NRXN3: variants seen among roughly 807,000 people sequenced by gnomAD.
The protein encoded by NRXN3 is neurexin 3.
NRXN3 carries 32 observed loss-of-function variants against 137.6 expected under a neutral mutation model. The observed-to-expected ratio is 0.23, with a 90% CI of 0.18 to 0.31. The LOEUF is 0.31. Ranked by LOEUF, NRXN3 falls within the 10% of genes least tolerant of loss-of-function variation. The pLI is 1.00. For synonymous variants in NRXN3, 798 were observed against 784.5 expected, an observed-to-expected ratio of 1.02 and a Z score of -0.29; for missense variants, 1,574 against 2,062.5, an observed-to-expected ratio of 0.76 and a Z score of 4.59.
chr14:78,621,156 A>G (rs1265813728), intron 4 of NRXN3, among the ~76,000 whole-genome samples: 31 of 152,210 alleles, frequency 2.0e-4, no homozygotes. Context: ...GCATTGAGGG[A>G]TATTTTGATG....
intron 4 of NRXN3, among the ~76,000 whole-genome samples, chr14:78,362,421 A>G (rs1310657225): frequency 6.6e-6 from 1 of 152,176 alleles, no homozygotes; most frequent in East Asian, 1.9e-4. Flanking sequence ...TGCACTTTAA[A>G]AAGTCAACAA....
At chr14:79,620,068 G>C (rs1030272870) in intron 16 of NRXN3, among the ~76,000 whole-genome samples, 1 of 152,080 alleles carries the variant, frequency 6.6e-6, no homozygotes, top group Non-Finnish European at 1.5e-5. Flanking sequence ...TCTTTACAAA[G>C]TTAGCTTGGC....
intron 15 of NRXN3, among the ~76,000 whole-genome samples, chr14:79,409,399 A>G (rs1010238592): frequency 6.7e-4 from 101 of 151,196 alleles, no homozygotes; most frequent in African/African-American, 2.3e-3. Flanking sequence ...ATATGTATAC[A>G]TTATGTATAT....
At chr14:78,816,234 G>A (rs1464229656) in intron 10 of NRXN3, among the ~76,000 whole-genome samples, 1 of 152,140 alleles carries the variant, frequency 6.6e-6, no homozygotes, top group East Asian at 1.9e-4. Context: ...GGAACAAAAG[G>A]CAAAATAGTA....
chr14:79,022,586 A>G (rs559718336), intron 15 of NRXN3, among the ~76,000 whole-genome samples: 1 of 152,290 alleles, frequency 6.6e-6, no homozygotes, highest in East Asian at 1.9e-4. Context: ...CTACCACCAC[A>G]TAGATGTTTG....
intron 15 of NRXN3, among the ~76,000 whole-genome samples, chr14:78,992,935 G>A (rs1379216427): frequency 1.3e-5 from 2 of 152,172 alleles, no homozygotes; most frequent in South Asian, 2.1e-4. Flanking sequence ...GGGAATGAAC[G>A]TGGGTCCTCA....
chr14:78,906,906 TG>T (rs1221444278), intron 10 of NRXN3, among the ~76,000 whole-genome samples: 2 of 152,068 alleles, frequency 1.3e-5, no homozygotes, highest in East Asian at 3.9e-4. Flanking sequence ...AACTGTGACT[TG>T]GGGCATGTGC....
At chr14:78,315,163 C>T (rs1444931209) in intron 4 of NRXN3, among the ~76,000 whole-genome samples, 8 of 151,628 alleles carry the variant, frequency 5.3e-5, no homozygotes, top group South Asian at 2.1e-4. Flanking sequence ...AGGCGCTTAC[C>T]AGCTAATTTT....
chr14:79,441,245 G>T (rs1442845755), intron 15 of NRXN3, among the ~76,000 whole-genome samples: 1 of 151,392 alleles, frequency 6.6e-6, no homozygotes, highest in African/African-American at 2.4e-5. Context: ...GTAGCAAAGA[G>T]ACCTGGATCT....
chr14:78,537,172 G>A lies in NRXN3; in HGVS notation c.758-107948G>A, dbSNP rs1156688264. Among the ~76,000 whole-genome samples, 3 of 152,186 alleles carry A rather than the reference G, an allele frequency of 2.0e-5. No homozygotes were observed. In the East Asian group the frequency reaches 5.8e-4, roughly 29 times the overall value. On this transcript the variant is annotated intron_variant, in intron 4 of 20. Coordinates refer to ENST00000335750, the MANE Select transcript of NRXN3 (RefSeq NM_001330195.2). Reference sequence around the variant, plus strand: ...ATAATTCTAGTTCTAGATCCTTGAGGAATTGCCACACTGTCTTCCACAATG... The same window carrying A: ...ATAATTCTAGTTCTAGATCCTTGAGAAATTGCCACACTGTCTTCCACAATG...
intron 15 of NRXN3, among the ~76,000 whole-genome samples, chr14:79,393,457 G>A (rs2094919772): frequency 6.6e-6 from 1 of 152,172 alleles, no homozygotes; most frequent in African/African-American, 2.4e-5. Flanking sequence ...TGGATTAAAT[G>A]AGATTGACTA....
Position 78,943,616 on chromosome 14 carries a change from AAAAAAATATATATATATAT to A in NRXN3, c.2276-13624_2276-13606del, listed in dbSNP as rs1162529373. 4.6e-4 allele frequency among the ~76,000 whole-genome samples: 19 copies of A among 41,020 alleles called. 1 individual carries two copies. Among genetic ancestry groups the A allele is most frequent in the Admixed American group, 1.6e-3 (6 of 3,844 alleles). The allele number at this position is 41,020 out of a possible 152,430, so 26.9% of individuals were successfully genotyped here. ...AAAGAAGCAAGATCACTGTTAAAAA[AAAAAAATATATATATATAT>A]ATATATATATATATATATATATATA... On this transcript the variant is annotated intron_variant, in intron 10 of 20. Coordinates refer to ENST00000335750, the MANE Select transcript of NRXN3 (RefSeq NM_001330195.2).
At chr14:78,477,151 T>C (rs967036882) in intron 4 of NRXN3, among the ~76,000 whole-genome samples, 4 of 152,224 alleles carry the variant, frequency 2.6e-5, no homozygotes, top group Non-Finnish European at 4.4e-5. Flanking sequence ...TTTTTGCAGG[T>C]CTTCACTATT....
chr14:78,859,644 C>T (rs2099067166), intron 10 of NRXN3, among the ~76,000 whole-genome samples: 1 of 152,052 alleles, frequency 6.6e-6, no homozygotes, highest in Admixed American at 6.6e-5. Flanking sequence ...GGTATGTCTA[C>T]CCAAGAAAAT....
intron 15 of NRXN3, among the ~76,000 whole-genome samples, chr14:79,127,403 G>A (rs2056708905): frequency 1.3e-5 from 2 of 152,108 alleles, no homozygotes; most frequent in South Asian, 4.1e-4. Flanking sequence ...TGGCTAGCCA[G>A]TTTTCCCAGC....
In NRXN3 at chr14:78,966,259, C is replaced by T; in HGVS notation, c.2630C>T (p.Thr877Ile). 1.2e-6 allele frequency: 2 copies of T among 1,614,168 alleles called. No homozygotes were observed. Among genetic ancestry groups the T allele is most frequent in the Non-Finnish European group, 1.7e-6 (2 of 1,180,014 alleles). ...NIIADPVTFK[T>I]KSSYLSLATL... The stretch of plus-strand genomic sequence containing the variant: ...ATCGCTGACCCTGTCACCTTTAAGA[C>T]CAAGAGCAGCTACCTGAGCCTTGCC... The change falls in exon 12 of 21, where the codon ACC (threonine) becomes ATC (isoleucine). Residue 877 changes from threonine (T) to isoleucine (I), a missense_variant. By Grantham distance (89) the Thr-to-Ile change is moderately conservative. Coordinates refer to ENST00000335750, the MANE Select transcript of NRXN3 (RefSeq NM_001330195.2).
chr14:79,308,713 A>G (rs1374798038), intron 15 of NRXN3, among the ~76,000 whole-genome samples: 1 of 152,024 alleles, frequency 6.6e-6, no homozygotes, highest in African/African-American at 2.4e-5. Flanking sequence ...AACAAAATCA[A>G]AAGTGTCTCT....
intron 4 of NRXN3, among the ~76,000 whole-genome samples, chr14:78,459,192 G>A (rs1035788251): frequency 6.6e-6 from 1 of 152,166 alleles, no homozygotes; most frequent in Non-Finnish European, 1.5e-5. Flanking sequence ...AGAATAATGG[G>A]AAAAGTATAT....
rs542277349 is a variant in NRXN3, at chr14:79,263,009, C to T, written c.3263-204212C>T. Among the ~76,000 whole-genome samples, 11 of 152,254 alleles carry T rather than the reference C, an allele frequency of 7.2e-5. No homozygotes were observed. The East Asian group carries it at 1.9e-3, about 27-fold the overall frequency. On this transcript the variant is annotated intron_variant, in intron 15 of 20. Coordinates refer to ENST00000335750, the MANE Select transcript of NRXN3 (RefSeq NM_001330195.2). ...GTATGGGTGTGTGCATGCATGCTGT[C>T]TGTGGCCTGTTTGTTTGACCTCAGT...
Sources: gnomAD v4.1 joint callset for allele counts (sites outside exome capture counted in the v4.1 genomes callset) on GRCh38, gnomAD v4.1.1 for gene constraint, MANE v1.5 for transcripts, NCBI Gene and HGNC (gene_info 2026-07-23, HGNC 2026-07-21) for gene names.